The following NLGN1 variants were observed in gnomAD, a reference collection of about 807,000 sequenced individuals.
NLGN1 encodes the protein neuroligin 1, also known as neuroligin-1.
Under a neutral mutation model 65.5 loss-of-function variants are expected in NLGN1, and 12 were observed. The ratio of observed to expected loss-of-function variants is 0.18; its 90% confidence interval spans 0.12 to 0.30. The LOEUF is 0.30. NLGN1 is among the 10% of genes least tolerant of loss of function. The pLI is 1.00. For missense variants in NLGN1, 750 were observed against 1,007.1 expected (o/e 0.74, Z 3.46); for synonymous variants, 350 against 359.5 (o/e 0.97, Z 0.30).
At chr3:174,031,395 C>T (rs1729990936) in intron 4 of NLGN1, among the ~76,000 whole-genome samples, 1 of 152,104 alleles carries the variant, frequency 6.6e-6, no homozygotes, top group African/African-American at 2.4e-5. Context: ...CTTTTCATCA[C>T]CTTTAGTTTC....
At chr3:173,749,728 C>G (rs1166192307) in intron 3 of NLGN1, among the ~76,000 whole-genome samples, 4 of 151,924 alleles carry the variant, frequency 2.6e-5, no homozygotes, top group African/African-American at 7.2e-5. Flanking sequence ...TCTCTTCTAA[C>G]AAAAATTATT....
intron 3 of NLGN1, among the ~76,000 whole-genome samples, chr3:173,688,597 C>T (rs771962187): frequency 7.2e-5 from 11 of 152,128 alleles, no homozygotes; most frequent in Non-Finnish European, 1.5e-4. Context: ...GTTTATCAAA[C>T]ACTAAACACA....
chr3:173,495,428 T>TC (rs1729847474), intron 2 of NLGN1, among the ~76,000 whole-genome samples: 2 of 151,686 alleles, frequency 1.3e-5, no homozygotes, highest in Non-Finnish European at 2.9e-5. Context: ...CATTAGGAAA[T>TC]ATAGGTGGTT....
downstream of NLGN1, among the ~76,000 whole-genome samples, chr3:174,287,199 T>C (rs1004548805): frequency 3.3e-5 from 5 of 151,402 alleles, no homozygotes; most frequent in Admixed American, 6.6e-5. Context: ...ATATTTATGG[T>C]TTTGTACTAT....
exon 7 of NLGN1, chr3:174,281,572 C>T: frequency 2.9e-6 from 1 of 344,624 alleles, no homozygotes; most frequent in Non-Finnish European, 5.3e-6. Flanking sequence ...ATTTAAGTTA[C>T]ATAATGGAAT....
intron 4 of NLGN1, among the ~76,000 whole-genome samples, chr3:174,178,881 AC>A (rs995893212): frequency 6.6e-6 from 1 of 152,126 alleles, no homozygotes; most frequent in African/African-American, 2.4e-5. Flanking sequence ...TATTAGCTTT[AC>A]TTTAAAGAGA....
intron 3 of NLGN1, among the ~76,000 whole-genome samples, chr3:173,749,495 A>T (rs1776016833): frequency 6.6e-6 from 1 of 152,044 alleles, no homozygotes. Context: ...TTTGCTGACA[A>T]ATTTAATCAA....
Position 173,420,527 on chromosome 3 carries a change from G to A in NLGN1, c.-389-14483G>A, listed in dbSNP as rs371760675. 9.2e-5 allele frequency among the ~76,000 whole-genome samples: 14 copies of A among 152,176 alleles called. No individual in the cohort carries two copies. In the East Asian group the frequency reaches 9.7e-4, roughly 11 times the overall value. On this transcript the variant is annotated intron_variant, in intron 1 of 6. Transcript: ENST00000457714. ...AGTCTATGCTATTGTGAATAGTGCC[G>A]CAATAAACATACGTGTGCATGTGTC...
At chr3:173,412,531 C>T (rs1447632160) in intron 1 of NLGN1, among the ~76,000 whole-genome samples, 2 of 143,918 alleles carry the variant, frequency 1.4e-5, no homozygotes, top group African/African-American at 2.5e-5. Context: ...AGGAAATAGT[C>T]AAATGCATAA....
At chr3:173,836,731 C>T (rs1445388589) in intron 4 of NLGN1, among the ~76,000 whole-genome samples, 15 of 152,106 alleles carry the variant, frequency 9.9e-5, no homozygotes. Flanking sequence ...TTTTCAGATG[C>T]CCATCACCAT....
chr3:173,597,770 A>C (rs1749736019), intron 2 of NLGN1, among the ~76,000 whole-genome samples: 1 of 147,478 alleles, frequency 6.8e-6, no homozygotes, highest in African/African-American at 2.5e-5. Flanking sequence ...GAAAATGAGA[A>C]AGATAAAATT....
chr3:173,769,546 G>T (rs1013943055), intron 3 of NLGN1, among the ~76,000 whole-genome samples: 24 of 152,168 alleles, frequency 1.6e-4, no homozygotes, highest in Admixed American at 2.6e-4. Flanking sequence ...AATAATACAT[G>T]CTATGCATGA....
Position 174,155,004 on chromosome 3 carries a change from A to ATATATAATATAT in NLGN1, c.647-120306_647-120305insAATATATTATAT, listed in dbSNP as rs1561175580. ...ATTATATTATATATTATATATATTTATATATTGATATAAATATATAAAATT... is the reference window on the plus strand; with the variant it reads ...ATTATATTATATATTATATATATTTATATATAATATATTATATTGATATAAATATATAAAATT... On this transcript the variant is annotated intron_variant, in intron 4 of 6. Transcript: ENST00000457714. Among the ~76,000 whole-genome samples, 339 of 137,524 alleles carry ATATATAATATAT rather than the reference A, an allele frequency of 2.5e-3. 6 individuals are homozygous for ATATATAATATAT. The highest frequency in any genetic ancestry group is 0.022 in the East Asian group (109 of 4,910). The allele number at this position is 137,524 out of a possible 152,430, so 90.2% of individuals were successfully genotyped here. A position where few individuals can be genotyped will look rare whatever the true frequency, so the allele number is the denominator to read the frequency against.
intron 2 of NLGN1, among the ~76,000 whole-genome samples, chr3:173,476,107 A>G (rs970631931): frequency 6.6e-6 from 1 of 152,204 alleles, no homozygotes. Flanking sequence ...GGAGAAGGCC[A>G]AGAAGACAAC....
chr3:173,806,772 CAGAATTCAGG>C (rs896132100), intron 3 of NLGN1, among the ~76,000 whole-genome samples: 17 of 151,974 alleles, frequency 1.1e-4, no homozygotes, highest in African/African-American at 1.9e-4. Context: ...TTGAAAATTA[CAGAATTCAGG>C]AAAAGTATGA....
At chr3:173,689,329 G>T (rs1333864214) in intron 3 of NLGN1, among the ~76,000 whole-genome samples, 1 of 152,138 alleles carries the variant, frequency 6.6e-6, no homozygotes, top group Non-Finnish European at 1.5e-5. Context: ...TTGTAAGGAG[G>T]CTTCCCCTGG....
chr3:174,194,951 T>A (rs571808198), intron 4 of NLGN1, among the ~76,000 whole-genome samples: 1 of 147,498 alleles, frequency 6.8e-6, no homozygotes, highest in African/African-American at 2.5e-5. Context: ...AACCTCCGCC[T>A]CCCGGGTTCA....
chr3:173,930,751 A>G (rs978989691), intron 4 of NLGN1, among the ~76,000 whole-genome samples: 1 of 152,198 alleles, frequency 6.6e-6, no homozygotes, highest in Admixed American at 6.5e-5. Flanking sequence ...TAAACACCCT[A>G]TAATTATGTG....
chr3:173,411,637 T>C (rs954107167), intron 1 of NLGN1, among the ~76,000 whole-genome samples: 1 of 152,138 alleles, frequency 6.6e-6, no homozygotes, highest in African/African-American at 2.4e-5. Flanking sequence ...AATTTCCTTT[T>C]GTGTATATGA....
Sources: gnomAD v4.1 joint callset for allele counts (sites outside exome capture counted in the v4.1 genomes callset) on GRCh38, gnomAD v4.1.1 for gene constraint, MANE v1.5 for transcripts, NCBI Gene and HGNC (gene_info 2026-07-23, HGNC 2026-07-21) for gene names.